Variants in THAP8 observed in about 807,000 individuals in gnomAD.
THAP8 encodes THAP domain containing 8.
Under a neutral mutation model 25.0 loss-of-function variants are expected in THAP8, and 24 were observed. The ratio of observed to expected loss-of-function variants is 0.96; its 90% CI spans 0.69 to 1.35. THAP8 has a LOEUF of 1.35. Ranked by LOEUF, THAP8 falls within the 40% of genes most tolerant of loss-of-function variation. THAP8 has a pLI of 0.00. For missense variants in THAP8, 399 were observed against 368.8 expected (o/e 1.08, Z -0.67); for synonymous variants, 169 against 157.6 (o/e 1.07, Z -0.54).
In THAP8 at chr19:36,035,401, C is replaced by T; in HGVS notation, c.*39G>A. 6.3e-7 allele frequency: 1 copy of T among 1,592,254 alleles called. No individual in the cohort carries two copies. ...ACGTATAATGTCTTTCCTCCTCCAT[C>T]TTCTATCTTTTGTCCCTCGACATTG... On this transcript the variant is annotated 3_prime_UTR_variant, in exon 4 of 4. Transcript: ENST00000292894.
At chr19:36,036,731 A>C (rs2145424122) in intron 3 of THAP8, among the ~76,000 whole-genome samples, 1 of 152,150 alleles carries the variant, frequency 6.6e-6, no homozygotes, top group East Asian at 1.9e-4. Flanking sequence ...ACCTGAGGTC[A>C]GGAGCTCAAG....
chr19:36,045,520 C>T (rs1011899818), intron 1 of THAP8, among the ~76,000 whole-genome samples: 2 of 152,134 alleles, frequency 1.3e-5, no homozygotes, highest in African/African-American at 2.4e-5. Flanking sequence ...CCTCCCACCT[C>T]GGCCTCCCAA....
intron 1 of THAP8, among the ~76,000 whole-genome samples, chr19:36,053,771 T>G (rs1970170521): frequency 1.3e-5 from 2 of 152,122 alleles, no homozygotes; most frequent in Non-Finnish European, 2.9e-5. Flanking sequence ...TGGAAGGTTT[T>G]GGGGAGACAC....
intron 1 of THAP8, among the ~76,000 whole-genome samples, chr19:36,053,385 A>G (rs1223098222): frequency 8.0e-6 from 1 of 125,128 alleles, no homozygotes; most frequent in African/African-American, 2.6e-5. Context: ...AAAAAAAAAA[A>G]AAAAAAAAAA....
At chr19:36,052,877 A>T (rs1970094118) in intron 1 of THAP8, among the ~76,000 whole-genome samples, 1 of 152,182 alleles carries the variant, frequency 6.6e-6, no homozygotes, top group Non-Finnish European at 1.5e-5. Flanking sequence ...AGCAGTAGAC[A>T]CTCAAAGGAT....
intron 1 of THAP8, among the ~76,000 whole-genome samples, chr19:36,041,790 C>T (rs1969700570): frequency 6.6e-6 from 1 of 152,072 alleles, no homozygotes; most frequent in South Asian, 2.1e-4. Context: ...TGAACAACAA[C>T]AAAAAAGAGG....
At chr19:36,047,579 T>C (rs762929015) in intron 1 of THAP8, among the ~76,000 whole-genome samples, 1 of 152,156 alleles carries the variant, frequency 6.6e-6, no homozygotes, top group Non-Finnish European at 1.5e-5. Context: ...TCCCAGCACT[T>C]TGGTGGCCAA....
chr19:36,037,367 C>G (rs1320481070), intron 3 of THAP8, among the ~76,000 whole-genome samples: 4 of 151,648 alleles, frequency 2.6e-5, no homozygotes, highest in Non-Finnish European at 4.4e-5. Flanking sequence ...CACACACACA[C>G]ACACACACAC....
intron 1 of THAP8, among the ~76,000 whole-genome samples, chr19:36,053,534 G>A (rs1970151336): frequency 2.3e-5 from 3 of 130,910 alleles, no homozygotes; most frequent in Non-Finnish European, 3.1e-5. Context: ...CAGCCTGGGC[G>A]ACAAAGCGAT....
intron 1 of THAP8, among the ~76,000 whole-genome samples, chr19:36,050,624 C>A (rs1438351767): frequency 6.6e-6 from 1 of 152,130 alleles, no homozygotes; most frequent in Non-Finnish European, 1.5e-5. Flanking sequence ...ATGGGTAACT[C>A]CCAGGTCACG....
chr19:36,040,726 T>C (rs1210220855), intron 1 of THAP8, among the ~76,000 whole-genome samples: 1 of 152,100 alleles, frequency 6.6e-6, no homozygotes, highest in Admixed American at 6.6e-5. Context: ...GCCTCCTTCC[T>C]GGTCTTCCTG....
intron 3 of THAP8, among the ~76,000 whole-genome samples, chr19:36,035,896 CAG>C (rs977301610): frequency 3.8e-4 from 58 of 151,570 alleles, no homozygotes; most frequent in African/African-American, 1.3e-3. Flanking sequence ...ATGGGGGAGA[CAG>C]AAAATATGCA....
In THAP8 at chr19:36,054,011, G is replaced by C. The variant is rs1008823850; in HGVS notation, c.83+124C>G. 9 of 1,083,178 alleles carry C rather than the reference G, an allele frequency of 8.3e-6. No individual in the cohort carries two copies. In the Admixed American group the frequency reaches 1.0e-4, roughly 12 times the overall value. The allele number at this position is 1,083,178 out of a possible 1,614,324, so 67.1% of individuals were successfully genotyped here. A position where few individuals can be genotyped will look rare whatever the true frequency, so the allele number is the denominator to read the frequency against. On this transcript the variant is annotated intron_variant, in intron 1 of 3. Coordinates refer to ENST00000292894, the MANE Select transcript of THAP8 (RefSeq NM_152658.3). Reference sequence around the variant, plus strand: ...ACTGCCAGGAAGGCCATCTCCTCATGGTTTAACCCCACTTCCTAACACCCT... The same window carrying C: ...ACTGCCAGGAAGGCCATCTCCTCATCGTTTAACCCCACTTCCTAACACCCT...
chr19:36,040,563 G>A (rs112713903), intron 1 of THAP8, among the ~76,000 whole-genome samples: 5 of 152,144 alleles, frequency 3.3e-5, no homozygotes, highest in Admixed American at 2.0e-4. Flanking sequence ...CTGACCTCAG[G>A]TGATCCACCC....
Position 36,037,343 on chromosome 19 carries a change from T to TAGACAC in THAP8, c.673-1752_673-1751insGTGTCT, listed in dbSNP as rs1491146173. ...AAACACCTTCCTCAAATTCCTCCCC[T>TAGACAC]ACACACACACACACACACACACACA... On this transcript the variant is annotated intron_variant, in intron 3 of 3. Coordinates refer to ENST00000292894, the MANE Select transcript of THAP8 (RefSeq NM_152658.3). Among the ~76,000 whole-genome samples, 184 of 114,830 alleles carry TAGACAC rather than the reference T, an allele frequency of 1.6e-3. 2 individuals carry two copies. The highest frequency in any genetic ancestry group is 2.4e-3 in the African/African-American group (74 of 30,296). 75.3% of individuals were successfully genotyped at this position (114,830 alleles called of 152,430 possible). A position where few individuals can be genotyped will look rare whatever the true frequency, so the allele number is the denominator to read the frequency against.
intron 1 of THAP8, chr19:36,045,640 A>T (rs1196109875): frequency 1.1e-5 from 5 of 436,424 alleles, no homozygotes; most frequent in Admixed American, 7.4e-5. Flanking sequence ...ATCCTGGGTC[A>T]TCCGGGTTGG....
intron 3 of THAP8, among the ~76,000 whole-genome samples, chr19:36,037,685 G>A (rs532362023): frequency 7.9e-5 from 12 of 152,192 alleles, no homozygotes; most frequent in Middle Eastern, 3.4e-3. Context: ...TGTCGCCTAC[G>A]CTGGAGTGCA....
intron 1 of THAP8, among the ~76,000 whole-genome samples, chr19:36,041,374 A>G (rs1052488355): frequency 1.3e-5 from 2 of 152,112 alleles, no homozygotes; most frequent in African/African-American, 4.8e-5. Flanking sequence ...TATACTTCTG[A>G]AACAGTCTTC....
chr19:36,051,486 G>A (rs1443004796), intron 1 of THAP8, among the ~76,000 whole-genome samples: 3 of 152,158 alleles, frequency 2.0e-5, no homozygotes, highest in Admixed American at 6.5e-5. Flanking sequence ...GACTGGGGGT[G>A]ACGGTGGGAG....
Sources: gnomAD v4.1 joint callset for allele counts (sites outside exome capture counted in the v4.1 genomes callset) on GRCh38, gnomAD v4.1.1 for gene constraint, MANE v1.5 for transcripts, NCBI Gene and HGNC (gene_info 2026-07-23, HGNC 2026-07-21) for gene names.